The following RGS3 variants were observed in gnomAD, a reference collection of about 807,000 sequenced individuals.
RGS3 encodes regulator of G protein signaling 3.
In RGS3, 80 loss-of-function variants were observed where a neutral mutation model predicts 132.6. The observed-to-expected ratio is 0.60, with a 90% CI of 0.50 to 0.73. The LOEUF (loss-of-function observed/expected upper bound fraction) is 0.73, where lower values mean the gene tolerates loss of function less well. Ranked by LOEUF, RGS3 falls within the 30% of genes least tolerant of loss-of-function variation. RGS3 has a pLI of 0.00. For synonymous variants in RGS3, 598 were observed against 620.6 expected, an observed-to-expected ratio of 0.96 and a Z score of 0.54; for missense variants, 1,382 against 1,530.8, an observed-to-expected ratio of 0.90 and a Z score of 1.62.
intron 7 of RGS3, among the ~76,000 whole-genome samples, chr9:113,490,259 C>T (rs1422726068): frequency 1.3e-5 from 2 of 152,090 alleles, no homozygotes; most frequent in African/African-American, 4.8e-5. Context: ...CCCTCATATA[C>T]TCATAGCGGA....
intron 1 of RGS3, among the ~76,000 whole-genome samples, chr9:113,447,323 G>GTGTGTATA (rs1829126189): frequency 6.8e-5 from 2 of 29,420 alleles, no homozygotes; most frequent in Non-Finnish European, 1.4e-4. Context: ...TCTGATGTAT[G>GTGTGTATA]TATATGTATA....
intron 11 of RGS3, 82 bp downstream of exon 9, chr9:113,505,605 G>A: frequency 8.8e-7 from 1 of 1,135,354 alleles, no homozygotes; most frequent in Admixed American, 1.8e-5. Flanking sequence ...AACTAAAAGG[G>A]GAGCCCCAAA....
At chr9:113,529,331 C>A in intron 18 of RGS3, 67 bp downstream of exon 16, 1 of 1,315,142 alleles carries the variant, frequency 7.6e-7, no homozygotes, top group Non-Finnish European at 1.1e-6. Context: ...AGACACTGGG[C>A]TGGGATCTAG....
intron 9 of RGS3, 69 bp from the exon 8 acceptor site, chr9:113,497,955 CT>C (rs1267907246): frequency 6.5e-7 from 1 of 1,528,302 alleles, no homozygotes; most frequent in Non-Finnish European, 9.1e-7. Flanking sequence ...GTGCTGTCCT[CT>C]GGGTGGTCCG....
intron 19 of RGS3, among the ~76,000 whole-genome samples, chr9:113,575,161 G>A (rs1243457486): frequency 6.6e-6 from 1 of 152,174 alleles, no homozygotes; most frequent in African/African-American, 2.4e-5. Context: ...GGTGGTGGTG[G>A]GTCTCCAGCA....
At chr9:113,541,515 C>T (rs565033268) in intron 19 of RGS3, 25 of 1,552,126 alleles carry the variant, frequency 1.6e-5, no homozygotes, top group African/African-American at 1.2e-4. Context: ...TCAACTGGAC[C>T]TGAAACAGAG....
At chr9:113,575,783 A>C (rs545638549) in intron 19 of RGS3, among the ~76,000 whole-genome samples, 16 of 152,228 alleles carry the variant, frequency 1.1e-4, no homozygotes, top group Non-Finnish European at 2.2e-4. Flanking sequence ...ACTGTGATGC[A>C]GTAGGTCTTA....
Position 113,463,904 on chromosome 9 carries a change from G to T in RGS3, c.415+1703G>T, listed in dbSNP as rs764219832. 1.9e-6 allele frequency: 3 copies of T among 1,611,514 alleles called. No homozygotes were observed. The South Asian group carries it at 3.3e-5, about 18-fold the overall frequency. ...TTGGTAAGTGCCCGCTGGGGCTGGC[G>T]GCAGGGGCTGCTTCACCCTGCTCCC... On this transcript the variant is annotated intron_variant, in intron 3 of 24. Transcript: ENST00000350696. This position sits in a 1 kb window ranked among gnomAD's most constrained non-coding sequence, Gnocchi z 4.6.
At chr9:113,561,683 A>G (rs929144203) in intron 19 of RGS3, among the ~76,000 whole-genome samples, 2 of 151,580 alleles carry the variant, frequency 1.3e-5, no homozygotes, top group African/African-American at 4.9e-5. Flanking sequence ...CAGCCTCCCA[A>G]AGTGCTGAAT....
intron 1 of RGS3, among the ~76,000 whole-genome samples, chr9:113,452,718 T>G: frequency 6.6e-6 from 1 of 151,004 alleles, no homozygotes; most frequent in Non-Finnish European, 1.5e-5. Flanking sequence ...GATGATCCAT[T>G]TATTCATTTA....
intron 3 of RGS3, 166 bp from the exon 2 acceptor site, chr9:113,479,325 G>T: frequency 1.4e-6 from 1 of 721,144 alleles, no homozygotes; most frequent in South Asian, 1.6e-5. Context: ...GTGGTGGGCG[G>T]GGCTGAACCC....
At chr9:113,472,107 G>A (rs1237086707) in intron 3 of RGS3, among the ~76,000 whole-genome samples, 3 of 152,026 alleles carry the variant, frequency 2.0e-5, no homozygotes, top group Admixed American at 6.6e-5. Context: ...AATAAAAAAA[G>A]AGCCAATAAC....
At chr9:113,556,365 T>A (rs2118783150) in intron 19 of RGS3, among the ~76,000 whole-genome samples, 1 of 152,294 alleles carries the variant, frequency 6.6e-6, no homozygotes, top group Non-Finnish European at 1.5e-5. Context: ...ATTCTGTGTG[T>A]TCAATCTCCT....
At chr9:113,512,865 T>C (rs2119357940) in intron 14 of RGS3, among the ~76,000 whole-genome samples, 1 of 152,312 alleles carries the variant, frequency 6.6e-6, no homozygotes, top group South Asian at 2.1e-4. Context: ...AGCGACTTTG[T>C]GTTTTGTCCC....
chr9:113,452,649 T>A (rs1035224760), intron 1 of RGS3, among the ~76,000 whole-genome samples: 6 of 151,642 alleles, frequency 4.0e-5, no homozygotes, highest in Non-Finnish European at 7.4e-5. Flanking sequence ...ATTATACATA[T>A]CTATTCCAGT....
intron 3 of RGS3, among the ~76,000 whole-genome samples, chr9:113,469,918 C>T (rs112428016): frequency 0.054 from 5,854 of 108,632 alleles, 154 homozygotes; most frequent in South Asian, 0.14. Context: ...TTTTTTTTGT[C>T]GTTGTTGTTT....
At chr9:113,596,043 C>T (rs1477923533) in intron 24 of RGS3, among the ~76,000 whole-genome samples, 2 of 152,210 alleles carry the variant, frequency 1.3e-5, no homozygotes, top group East Asian at 1.9e-4. Context: ...ACCTGTGAAA[C>T]GAAGAGACAG....
intron 10 of RGS3, among the ~76,000 whole-genome samples, chr9:113,502,339 G>A (rs889462925): frequency 1.3e-5 from 2 of 152,204 alleles, no homozygotes; most frequent in Non-Finnish European, 1.5e-5. Context: ...AAATTGTCCT[G>A]ATTTTAAAAA....
intron 1 of RGS3, among the ~76,000 whole-genome samples, chr9:113,447,329 G>GATA (rs1554750976): frequency 3.6e-5 from 1 of 27,536 alleles, no homozygotes; most frequent in African/African-American, 9.8e-5. Context: ...GTATGTATAT[G>GATA]TATATATATA....
Sources: allele counts gnomAD v4.1 joint callset (sites outside exome capture counted in the v4.1 genomes callset), GRCh38; gene constraint gnomAD v4.1.1; non-coding constraint Gnocchi (gnomAD v3.1); transcripts MANE v1.5; gene names NCBI Gene and HGNC (gene_info 2026-07-23, HGNC 2026-07-21).